TMED7: variants seen among roughly 807,000 people sequenced by gnomAD.
TMED7 encodes the protein transmembrane p24 trafficking protein 7.
A neutral mutation model predicts 23.4 loss-of-function variants in TMED7; 8 were observed. The observed-to-expected ratio is 0.34, with a 90% confidence interval of 0.20 to 0.62. The LOEUF (loss-of-function observed/expected upper bound fraction) is 0.62. TMED7 is among the 20% of genes least tolerant of loss of function. The probability of loss-of-function intolerance (pLI) is 0.77; values close to 1 mark genes in which losing one functional copy is unlikely to be tolerated. For missense variants in TMED7, 232 were observed against 279.1 expected (o/e 0.83, Z 1.20); for synonymous variants, 121 against 108.5 (o/e 1.12, Z -0.72).
chr5:115,616,039 A>T lies in TMED7; in HGVS notation c.*170T>A. The T allele has an allele frequency of 4.4e-6, 3 of 679,346 alleles. No individual in the cohort carries two copies. Among genetic ancestry groups the T allele is most frequent in the Non-Finnish European group, 7.4e-6 (3 of 404,932 alleles). 42.1% of individuals were successfully genotyped at this position (679,346 alleles called of 1,614,324 possible). On this transcript the variant is annotated 3_prime_UTR_variant, in exon 3 of 3. Coordinates refer to ENST00000456936, the MANE Select transcript of TMED7 (RefSeq NM_181836.6). ...CCAAAGTTTTTCCACCTTTACAAAT[A>T]AAAAAAGGTGTCCTTTCCACAGTTT...
chr5:115,617,646 T>G, intron 2 of TMED7, among the ~76,000 whole-genome samples: 1 of 152,236 alleles, frequency 6.6e-6, no homozygotes. Context: ...CCAAGGATTC[T>G]TCACCTGGAA....
chr5:115,625,333 A>G (rs1292130866), intron 1 of TMED7, among the ~76,000 whole-genome samples: 1 of 152,222 alleles, frequency 6.6e-6, no homozygotes, highest in African/African-American at 2.4e-5. Context: ...TCTTTTAAGG[A>G]AGAAAGTTCA....
chr5:115,616,950 T>C (rs376042816), intron 2 of TMED7, among the ~76,000 whole-genome samples: 28 of 151,248 alleles, frequency 1.9e-4, no homozygotes, highest in East Asian at 9.6e-4. Flanking sequence ...TCAAAATCGT[T>C]AGTAACTTTT....
chr5:115,622,090 C>A (rs1285776802), intron 1 of TMED7, among the ~76,000 whole-genome samples: 3 of 152,068 alleles, frequency 2.0e-5, no homozygotes, highest in African/African-American at 4.8e-5. Context: ...CCATCCTCAC[C>A]AAAAAGTCAG....
At position 115,615,257 on chromosome 5, in the gene TMED7, T is replaced by C. The variant is rs1756668922; in HGVS notation, c.*952A>G. On this transcript the variant is annotated 3_prime_UTR_variant, in exon 3 of 3. Transcript: ENST00000456936. ...GGAGAGCAACTAACTTTTCAGTGCA[T>C]CACATCCATGAGGATAAAATGTATG... 1 of 152,596 alleles carries C rather than the reference T, an allele frequency of 6.6e-6. No homozygotes were observed. Among genetic ancestry groups the C allele is most frequent in the South Asian group, 2.1e-4 (1 of 4,834 alleles). 9.5% of individuals were successfully genotyped at this position (152,596 alleles called of 1,614,324 possible).
chr5:115,625,661 G>C lies in TMED7; in HGVS notation c.132C>G (p.Asn44Lys). Reference sequence around the variant, plus strand: ...TGTCCTCGTAGAAGCACTGCTTGGCGTTGTCAGGAAGCTCGAAGGTGATCT... The same window carrying C: ...TGTCCTCGTAGAAGCACTGCTTGGCCTTGTCAGGAAGCTCGAAGGTGATCT... The part of the protein sequence containing the change: ...ASEITFELPD[N>K]AKQCFYEDIA... Residue 44 changes from asparagine (N) to lysine (K), a missense_variant, in exon 1 of 3, where the codon AAC becomes AAG. Around this residue, in one of 2 missense-constraint regions of TMED7, gnomAD observed 106 missense variants for 97.0 expected, o/e 1.09. Coordinates refer to ENST00000456936, the MANE Select transcript of TMED7 (RefSeq NM_181836.6). 1 of 1,602,754 alleles carries C rather than the reference G, an allele frequency of 6.2e-7. No homozygotes were observed. Among genetic ancestry groups the C allele is most frequent in the Non-Finnish European group, 8.5e-7 (1 of 1,175,298 alleles).
At chr5:115,618,306 CTT>C (rs945765408) in intron 2 of TMED7, among the ~76,000 whole-genome samples, 2 of 152,108 alleles carry the variant, frequency 1.3e-5, no homozygotes, top group Admixed American at 1.3e-4. Context: ...AAAGATAACA[CTT>C]TTTAAAAACA....
chr5:115,625,572 G>C, intron 1 of TMED7, 29 bp downstream of exon 1: 1 of 1,506,986 alleles, frequency 6.6e-7, no homozygotes, highest in Non-Finnish European at 8.9e-7. Context: ...CCGCGAGTTG[G>C]GGCCCAGGGA....
At chr5:115,621,953 C>T (rs570017968) in intron 1 of TMED7, among the ~76,000 whole-genome samples, 48 of 152,270 alleles carry the variant, frequency 3.2e-4, no homozygotes, top group African/African-American at 1.1e-3. Flanking sequence ...AACTATGTTA[C>T]ATATCATTTT....
intron 1 of TMED7, among the ~76,000 whole-genome samples, chr5:115,624,648 G>C (rs544488174): frequency 6.6e-6 from 1 of 152,224 alleles, no homozygotes; most frequent in Admixed American, 6.5e-5. Flanking sequence ...CCCTTGCTCT[G>C]GCTCCTTATT....
chr5:115,623,265 A>AT, intron 1 of TMED7, among the ~76,000 whole-genome samples: 1 of 152,202 alleles, frequency 6.6e-6, no homozygotes, highest in East Asian at 1.9e-4. Context: ...CAAAGAAAAC[A>AT]CCCTGGAACC....
chr5:115,622,218 C>A (rs1384631909), intron 1 of TMED7, among the ~76,000 whole-genome samples: 1 of 152,248 alleles, frequency 6.6e-6, no homozygotes, highest in East Asian at 1.9e-4. Flanking sequence ...CAGAACTTAT[C>A]ATCACCCCAC....
At position 115,625,950 on chromosome 5, in the gene TMED7, C is replaced by A. The variant is rs1580461355; in HGVS notation, c.-158G>T. 9.2e-7 allele frequency: 1 copy of A among 1,087,792 alleles called. No homozygotes were observed. The highest frequency in any genetic ancestry group is 3.3e-5 in the East Asian group (1 of 30,172). The allele number at this position is 1,087,792 out of a possible 1,614,324, so 67.4% of individuals were successfully genotyped here. Reference sequence around the variant, plus strand: ...GGAGATTCGGGATCAGAGCGACCCTCCGGCTTCCTGTGAGGGGCGCAGACG... The same window carrying A: ...GGAGATTCGGGATCAGAGCGACCCTACGGCTTCCTGTGAGGGGCGCAGACG... On this transcript the variant is annotated 5_prime_UTR_variant, in exon 1 of 3. Coordinates refer to ENST00000456936, the MANE Select transcript of TMED7 (RefSeq NM_181836.6).
At position 115,616,314 on chromosome 5, in the gene TMED7, T is replaced by A. The variant is rs1058047; in HGVS notation, c.570A>T (p.Ser190=). The change falls in exon 3 of 3, where the codon TCA becomes TCT. Residue 190 remains serine, a synonymous_variant. Coordinates refer to ENST00000456936, the MANE Select transcript of TMED7 (RefSeq NM_181836.6). The part of the protein sequence containing the change: ...EDLNTRVAYW[S]VGEALILLVV... ...CCAGAAGAATGAGGGCTTCTCCTAC[T>A]GACCAATAGGCCACTCTTGTATTTA... 26,605 of 1,614,188 alleles carry A rather than the reference T, an allele frequency of 0.016. 289 individuals carry two copies. Among genetic ancestry groups the A allele is most frequent in the Middle Eastern group, 0.032 (194 of 6,062 alleles).
At chr5:115,618,505 T>C (rs1008014009) in intron 2 of TMED7, among the ~76,000 whole-genome samples, 2 of 152,202 alleles carry the variant, frequency 1.3e-5, no homozygotes, top group Admixed American at 6.5e-5. Flanking sequence ...GTTTTTCCTT[T>C]TTTCCTTGCC....
At chr5:115,619,289 T>G (rs1048627326) in intron 2 of TMED7, 1 of 152,176 alleles carries the variant, frequency 6.6e-6, no homozygotes, top group Middle Eastern at 3.4e-3. Context: ...AAATTAAGAG[T>G]ATTTGAATAT....
At chr5:115,625,467 A>G in intron 1 of TMED7, 134 bp downstream of exon 1, 1 of 1,054,702 alleles carries the variant, frequency 9.5e-7, no homozygotes, top group Non-Finnish European at 1.3e-6. Flanking sequence ...AATGCTGGGC[A>G]TCAGCTACCT....
At chr5:115,621,223 A>G (rs1056650762) in intron 1 of TMED7, among the ~76,000 whole-genome samples, 1 of 152,226 alleles carries the variant, frequency 6.6e-6, no homozygotes, top group Non-Finnish European at 1.5e-5. Context: ...TACTTCTATC[A>G]TAGAACTTAA....
intron 2 of TMED7, 33 bp downstream of exon 2, chr5:115,620,402 T>C (rs1756985768): frequency 2.7e-6 from 4 of 1,461,804 alleles, no homozygotes; most frequent in Non-Finnish European, 2.7e-6. Flanking sequence ...CTTTTAAATA[T>C]ACCAACATTA....
Sources: allele counts gnomAD v4.1 joint callset (sites outside exome capture counted in the v4.1 genomes callset), GRCh38; gene constraint gnomAD v4.1.1; regional missense constraint gnomAD v4.1.1; transcripts MANE v1.5; gene names NCBI Gene and HGNC (gene_info 2026-07-23, HGNC 2026-07-21).